MGMT: variants seen among roughly 807,000 people sequenced by gnomAD.
MGMT encodes O-6-methylguanine-DNA methyltransferase, also known as methylated-DNA--protein-cysteine methyltransferase.
A neutral mutation model predicts 15.9 loss-of-function variants in MGMT; 14 were observed. The ratio of observed to expected loss-of-function variants is 0.88; its 90% CI spans 0.58 to 1.37. The LOEUF (loss-of-function observed/expected upper bound fraction) is 1.37, where lower values mean the gene tolerates loss of function less well. Ranked by LOEUF, MGMT falls within the 40% of genes most tolerant of loss-of-function variation. The pLI is 0.00. For synonymous variants in MGMT, 130 were observed against 118.2 expected (o/e 1.10, Z -0.65); for missense variants, 282 against 268.1 (o/e 1.05, Z -0.36).
chr10:129,667,453 C>T (rs968240323), intron 2 of MGMT, among the ~76,000 whole-genome samples: 9 of 152,122 alleles, frequency 5.9e-5, no homozygotes, highest in African/African-American at 1.7e-4. Flanking sequence ...TGCATGTCAC[C>T]GTAGCTTGTT....
At chr10:129,732,433 C>CT (rs1337752339) in intron 3 of MGMT, among the ~76,000 whole-genome samples, 2 of 150,812 alleles carry the variant, frequency 1.3e-5, no homozygotes, top group Non-Finnish European at 2.9e-5. Flanking sequence ...TGATAGTTTG[C>CT]TTAGAATGAT....
At chr10:129,502,040 C>T (rs1441601793) in intron 1 of MGMT, among the ~76,000 whole-genome samples, 2 of 152,256 alleles carry the variant, frequency 1.3e-5, no homozygotes, top group Admixed American at 6.5e-5. Context: ...TGGCATCAAG[C>T]TTGCATGAAT....
At chr10:129,510,021 G>A (rs1201577118) in intron 1 of MGMT, among the ~76,000 whole-genome samples, 1 of 152,220 alleles carries the variant, frequency 6.6e-6, no homozygotes, top group African/African-American at 2.4e-5. Flanking sequence ...AGGATGCACA[G>A]TGTCCATCTG....
intron 2 of MGMT, among the ~76,000 whole-genome samples, chr10:129,582,581 G>T (rs557732178): frequency 4.8e-4 from 70 of 145,188 alleles, no homozygotes; most frequent in African/African-American, 1.7e-3. Flanking sequence ...TCTGGTTGTT[G>T]TTTTTTTTTT....
intron 1 of MGMT, among the ~76,000 whole-genome samples, chr10:129,523,910 A>G (rs1589849368): frequency 6.6e-6 from 1 of 152,092 alleles, no homozygotes; most frequent in South Asian, 2.1e-4. Context: ...GGGTTTCATT[A>G]CCCTCCTAGA....
At chr10:129,733,859 C>CA (rs1370106444) in intron 3 of MGMT, among the ~76,000 whole-genome samples, 2 of 152,122 alleles carry the variant, frequency 1.3e-5, no homozygotes, top group Admixed American at 1.3e-4. Context: ...TGTCAAAGAT[C>CA]AGATAGTTGT....
chr10:129,762,346 C>T (rs1354898558), intron 4 of MGMT, among the ~76,000 whole-genome samples: 3 of 152,202 alleles, frequency 2.0e-5, no homozygotes, highest in Admixed American at 2.0e-4. Context: ...AACAGGAGCA[C>T]GTGCTGGTTC....
chr10:129,653,676 G>T (rs956985701), intron 2 of MGMT, among the ~76,000 whole-genome samples: 1 of 152,248 alleles, frequency 6.6e-6, no homozygotes, highest in African/African-American at 2.4e-5. Context: ...ATTACATCAT[G>T]TGATGGCCAA....
chr10:129,738,474 A>G (rs1848592491), intron 3 of MGMT, among the ~76,000 whole-genome samples: 1 of 152,212 alleles, frequency 6.6e-6, no homozygotes, highest in South Asian at 2.1e-4. Context: ...TAGTGAGATG[A>G]ATCCGGTACC....
intron 3 of MGMT, among the ~76,000 whole-genome samples, chr10:129,720,084 G>A (rs927347779): frequency 7.9e-5 from 12 of 152,178 alleles, no homozygotes; most frequent in African/African-American, 2.4e-4. Context: ...CTTGCTATGT[G>A]TACGAGTTAC....
intron 2 of MGMT, among the ~76,000 whole-genome samples, chr10:129,684,281 A>G (rs947107292): frequency 5.9e-5 from 9 of 152,198 alleles, no homozygotes; most frequent in African/African-American, 1.7e-4. Flanking sequence ...GTGAAGAAAT[A>G]TAACTGCCGA....
chr10:129,758,894 G>T (rs1464811942), intron 3 of MGMT, among the ~76,000 whole-genome samples: 1 of 152,200 alleles, frequency 6.6e-6, no homozygotes, highest in East Asian at 1.9e-4. Context: ...ACTTACACAC[G>T]CCCAGTCGCT....
intron 2 of MGMT, among the ~76,000 whole-genome samples, chr10:129,613,651 G>T (rs1353927531): frequency 6.6e-6 from 1 of 152,182 alleles, no homozygotes; most frequent in Admixed American, 6.5e-5. Context: ...TAATAAAAAG[G>T]TCTAAAACAT....
intron 2 of MGMT, among the ~76,000 whole-genome samples, chr10:129,553,820 C>T (rs1846184192): frequency 6.6e-6 from 1 of 152,186 alleles, no homozygotes; most frequent in Non-Finnish European, 1.5e-5. Context: ...GCCTCCATTC[C>T]TTCTTTCTGT....
At chr10:129,717,868 T>C (rs1848317933) in intron 3 of MGMT, 1 of 152,242 alleles carries the variant, frequency 6.6e-6, no homozygotes, top group African/African-American at 2.4e-5. Flanking sequence ...TTAAATATTA[T>C]TCATGGCCCA....
At chr10:129,705,089 C>A (rs931109727) in intron 2 of MGMT, among the ~76,000 whole-genome samples, 2 of 152,222 alleles carry the variant, frequency 1.3e-5, no homozygotes, top group Admixed American at 1.3e-4. Context: ...CTCCCTGCCG[C>A]CCCGTGGGCT....
rs200061830 is a variant in MGMT, at chr10:129,746,347, CT to C, written c.275-12847del. ...TTAATGAAGTTCAATTTATCTCTCT[CT>C]TTTTTTTATCATGATTTGAAGGACA... On this transcript the variant is annotated intron_variant, in intron 3 of 4. Transcript: ENST00000651593. Among the ~76,000 whole-genome samples the C allele has an allele frequency of 5.3e-4, 79 of 150,194 alleles. 2 individuals carry two copies. In the East Asian group the frequency reaches 0.012, roughly 24 times the overall value.
intron 1 of MGMT, among the ~76,000 whole-genome samples, chr10:129,492,743 G>A (rs1564833553): frequency 6.6e-6 from 1 of 152,150 alleles, no homozygotes; most frequent in African/African-American, 2.4e-5. Context: ...CCTAGTCCTG[G>A]TTGCTTCCAC....
intron 1 of MGMT, 97 bp from the exon 2 acceptor site, chr10:129,536,144 T>G (rs1317553663): frequency 7.5e-7 from 1 of 1,333,074 alleles, no homozygotes; most frequent in Non-Finnish European, 1.0e-6. Context: ...CTTTGGAATA[T>G]ATTTTGTGTC....
Sources: allele counts gnomAD v4.1 joint callset (sites outside exome capture counted in the v4.1 genomes callset), GRCh38; gene constraint gnomAD v4.1.1; transcripts MANE v1.5; gene names NCBI Gene and HGNC (gene_info 2026-07-23, HGNC 2026-07-21).